MYLK: variants seen among roughly 807,000 people sequenced by gnomAD.
The protein encoded by MYLK is myosin light chain kinase, smooth muscle.
Under a neutral mutation model 203.4 loss-of-function variants are expected in MYLK, and 106 were observed. That is an observed-to-expected ratio of 0.52 (90% CI 0.45 to 0.61). The LOEUF (loss-of-function observed/expected upper bound fraction) is 0.61, where lower values mean the gene tolerates loss of function less well. Among genes scored for constraint, MYLK ranks in the 20% least tolerant of loss-of-function variants. MYLK has a pLI of 0.00. For synonymous variants in MYLK, 867 were observed against 959.5 expected (o/e 0.90, Z 1.78); for missense variants, 2,072 against 2,442.3 (o/e 0.85, Z 3.20).
chr3:123,868,061 T>C (rs964526625), intron 2 of MYLK, among the ~76,000 whole-genome samples: 2 of 152,222 alleles, frequency 1.3e-5, no homozygotes, highest in African/African-American at 4.8e-5. Context: ...CTAGGATCTG[T>C]TGGTCTTTTT....
At chr3:123,653,155 A>G (rs868640275) in intron 24 of MYLK, among the ~76,000 whole-genome samples, 55 of 152,156 alleles carry the variant, frequency 3.6e-4, no homozygotes, top group African/African-American at 1.3e-3. Flanking sequence ...GTTAATCAGC[A>G]CTGCCTTTTT....
rs754874304 is a variant in MYLK at position 123,629,526 on chromosome 3, T to G, written c.5062A>C (p.Ile1688Leu). 6.2e-7 allele frequency: 1 copy of G among 1,614,196 alleles called. No homozygotes were observed. Among genetic ancestry groups the G allele is most frequent in the Non-Finnish European group, 8.5e-7 (1 of 1,180,032 alleles). The change falls in exon 30 of 34, where the codon ATC becomes CTC. Residue 1688 changes from isoleucine (I) to leucine (L), a missense_variant. By Grantham distance (5) the Ile-to-Leu change is conservative. Around this residue, in one of 3 missense-constraint regions of MYLK, gnomAD observed 524 missense variants for 782.4 expected, o/e 0.67. Coordinates refer to ENST00000360304, the MANE Select transcript of MYLK (RefSeq NM_053025.4). This position sits in a 1 kb window ranked among gnomAD's most constrained non-coding sequence, Gnocchi z 4.4. ...ATGAAATCCTTGGCATCGTCGGAGA[T>G]CTCATCGAATGCCTCGTCGTCGAAG... ...WDFDDEAFDE[I>L]SDDAKDFISN...
chr3:123,794,944 T>C (rs1443906234), intron 3 of MYLK, among the ~76,000 whole-genome samples: 1 of 152,164 alleles, frequency 6.6e-6, no homozygotes, highest in African/African-American at 2.4e-5. Context: ...ATAAAGAAGC[T>C]GAGGTCAGAC....
Position 123,822,972 on chromosome 3 carries a change from G to A in MYLK, c.-4+8576C>T, listed in dbSNP as rs189234081. 2.6e-4 allele frequency among the ~76,000 whole-genome samples: 40 copies of A among 152,286 alleles called. No individual in the cohort carries two copies. In the East Asian group the frequency reaches 3.3e-3, roughly 12 times the overall value. On this transcript the variant is annotated intron_variant, in intron 3 of 33. Coordinates refer to ENST00000360304, the MANE Select transcript of MYLK (RefSeq NM_053025.4). The stretch of plus-strand genomic sequence containing the variant: ...AGAAATCATCCCTGGCTTCAATGAG[G>A]TTCCAGTTTAATGGGGGAAGATGAG...
At chr3:123,824,072 C>CTTATTGT (rs1055584723) in intron 3 of MYLK, among the ~76,000 whole-genome samples, 1 of 151,676 alleles carries the variant, frequency 6.6e-6, no homozygotes, top group African/African-American at 2.4e-5. Flanking sequence ...CCTTATGCTC[C>CTTATTGT]TTATTGTACT....
At chr3:123,779,937 T>A (rs530160675) in intron 4 of MYLK, among the ~76,000 whole-genome samples, 1 of 152,330 alleles carries the variant, frequency 6.6e-6, no homozygotes, top group Admixed American at 6.5e-5. Context: ...GTTGAGGATG[T>A]CAAACCTTTG....
chr3:123,863,673 A>G (rs1179450258), intron 2 of MYLK, among the ~76,000 whole-genome samples: 1 of 152,216 alleles, frequency 6.6e-6, no homozygotes, highest in East Asian at 1.9e-4. Flanking sequence ...AGCAGTATCC[A>G]CAAGAATGAC....
chr3:123,780,894 C>T (rs576299219), intron 4 of MYLK, among the ~76,000 whole-genome samples: 1 of 152,248 alleles, frequency 6.6e-6, no homozygotes, highest in East Asian at 1.9e-4. Flanking sequence ...ATAACCAGAA[C>T]ATAAAGCCAA....
intron 31 of MYLK, chr3:123,622,036 T>G (rs569182545): frequency 2.6e-5 from 4 of 152,132 alleles, no homozygotes; most frequent in Non-Finnish European, 4.4e-5. Context: ...AGACAAAGTG[T>G]AGAGAGAGAG....
chr3:123,873,582 A>T (rs2032946983), intron 2 of MYLK, among the ~76,000 whole-genome samples: 1 of 152,216 alleles, frequency 6.6e-6, no homozygotes, highest in Non-Finnish European at 1.5e-5. Context: ...CTAATAAGTC[A>T]GTTTAGAAAA....
Position 123,752,463 on chromosome 3 carries a change from G to A in MYLK, c.241C>T (p.Leu81=). 6.2e-7 allele frequency: 1 copy of A among 1,614,196 alleles called. No homozygotes were observed. The highest frequency in any genetic ancestry group is 8.5e-7 in the Non-Finnish European group (1 of 1,180,040). Residue 81 remains leucine (L), a synonymous_variant, in exon 5 of 34, where the codon CTG becomes TTG. Transcript: ENST00000360304. ...AAAGTCCCCCGGATGCCGCAATCCA[G>A]CAGGAAGCGGCCCCCGCTGGTGATG... is the stretch of plus-strand genomic sequence containing the variant. ...QPITSGGRFL[L]DCGIRGTFSL...
chr3:123,856,895 C>T (rs1447577809), intron 2 of MYLK, among the ~76,000 whole-genome samples: 2 of 151,980 alleles, frequency 1.3e-5, no homozygotes, highest in Middle Eastern at 6.3e-3. Flanking sequence ...GCAACCTACT[C>T]ATCTGACAAA....
At chr3:123,850,105 G>GGT (rs1320291206) in intron 2 of MYLK, among the ~76,000 whole-genome samples, 1 of 152,126 alleles carries the variant, frequency 6.6e-6, no homozygotes, top group Non-Finnish European at 1.5e-5. Context: ...AGTATTCCAT[G>GGT]GTGTATATGT....
chr3:123,821,762 A>C (rs1364647651), intron 3 of MYLK, among the ~76,000 whole-genome samples: 1 of 152,220 alleles, frequency 6.6e-6, no homozygotes, highest in African/African-American at 2.4e-5. Context: ...AGACAGGACA[A>C]GATCCAAACC....
At chr3:123,767,649 G>C (rs950094295) in intron 4 of MYLK, among the ~76,000 whole-genome samples, 2 of 152,206 alleles carry the variant, frequency 1.3e-5, no homozygotes, top group Non-Finnish European at 2.9e-5. Context: ...GCTGGTGCCA[G>C]AGCTGCCCTA....
chr3:123,819,229 G>T (rs1023704066), intron 3 of MYLK, among the ~76,000 whole-genome samples: 4 of 152,202 alleles, frequency 2.6e-5, no homozygotes, highest in South Asian at 2.1e-4. Flanking sequence ...AAGAAGATTT[G>T]CATAGCAAAC....
chr3:123,647,384 G>C lies in MYLK; in HGVS notation c.4459C>G (p.Arg1487Gly), dbSNP rs886229659. Residue 1487 changes from arginine (R) to glycine (G), a missense_variant, in exon 27 of 34, where the codon CGA (arginine) becomes GGA (glycine). This residue lies in a region of MYLK where 524 missense variants were observed against 782.4 expected (regional missense o/e 0.67). Transcript: ENST00000360304. Reference protein sequence around the residue: ...QVFRLVEKKTRKVWAGKFFKA... With the variant: ...QVFRLVEKKTGKVWAGKFFKA... ...AAGAACTTCCCTGCCCAGACTTTTCGAGTTTTCTTTTCTACAAGTCGAAAG... is the reference window on the plus strand; with the variant it reads ...AAGAACTTCCCTGCCCAGACTTTTCCAGTTTTCTTTTCTACAAGTCGAAAG... 5.0e-6 allele frequency: 8 copies of C among 1,614,158 alleles called. No homozygotes were observed. The highest frequency in any genetic ancestry group is 6.8e-6 in the Non-Finnish European group (8 of 1,180,024).
chr3:123,807,054 C>T (rs1483568577), intron 3 of MYLK, among the ~76,000 whole-genome samples: 1 of 152,150 alleles, frequency 6.6e-6, no homozygotes, highest in Admixed American at 6.6e-5. Flanking sequence ...TCATATAGTT[C>T]ATAAAGCAGT....
intron 4 of MYLK, 48 bp downstream of exon 4, chr3:123,793,629 C>CCCTGCCCATCCTTCCCCACAG: frequency 6.2e-7 from 1 of 1,607,142 alleles, no homozygotes. Flanking sequence ...GAGCAGCGGC[C>CCCTGCCCATCCTTCCCCACAG]CCTGCCCATC....
Sources: gnomAD v4.1 joint callset for allele counts (sites outside exome capture counted in the v4.1 genomes callset) on GRCh38, gnomAD v4.1.1 for gene constraint, gnomAD v4.1.1 regional missense constraint, Gnocchi (gnomAD v3.1) non-coding constraint, MANE v1.5 for transcripts, NCBI Gene and HGNC (gene_info 2026-07-23, HGNC 2026-07-21) for gene names.